The following CEP85L variants were observed in gnomAD, a reference collection of about 807,000 sequenced individuals.
The protein encoded by CEP85L is centrosomal protein 85L.
Under a neutral mutation model 100.3 loss-of-function variants are expected in CEP85L, and 60 were observed. That is an observed-to-expected ratio of 0.60 (90% CI 0.49 to 0.74). The LOEUF is 0.74. CEP85L is among the 30% of genes least tolerant of loss of function. The probability of loss-of-function intolerance (pLI) is 0.00; values close to 1 mark genes in which losing one functional copy is unlikely to be tolerated. For missense variants in CEP85L, 973 were observed against 936.2 expected (o/e 1.04, Z -0.51); for synonymous variants, 319 against 322.7 (o/e 0.99, Z 0.12).
chr6:118,625,284 A>T (rs1268086721), intron 2 of CEP85L, among the ~76,000 whole-genome samples: 1 of 152,190 alleles, frequency 6.6e-6, no homozygotes, highest in East Asian at 1.9e-4. Context: ...GGCACCCCAA[A>T]AGAGTTATGC....
chr6:118,663,565 G>C (rs750558287), intron 1 of CEP85L, among the ~76,000 whole-genome samples: 15 of 152,170 alleles, frequency 9.9e-5, no homozygotes, highest in Non-Finnish European at 1.8e-4. Context: ...GGAAGAAACA[G>C]CCTAAAGTAA....
At chr6:118,591,391 T>C (rs1023435992) in intron 2 of CEP85L, among the ~76,000 whole-genome samples, 2 of 151,982 alleles carry the variant, frequency 1.3e-5, no homozygotes, top group East Asian at 2.0e-4. Flanking sequence ...GTACCTCTGA[T>C]TGGTCCCCTC....
intron 1 of CEP85L, among the ~76,000 whole-genome samples, chr6:118,671,396 T>C (rs1386290211): frequency 1.3e-5 from 2 of 152,224 alleles, no homozygotes; most frequent in Non-Finnish European, 2.9e-5. Context: ...TATACATTTA[T>C]GTCAGCCACC....
intron 5 of CEP85L, among the ~76,000 whole-genome samples, chr6:118,510,559 C>T (rs1775908170): frequency 6.6e-6 from 1 of 151,936 alleles, no homozygotes; most frequent in Admixed American, 6.6e-5. Context: ...ACTAGAAGGG[C>T]AAAAATCCAA....
At chr6:118,608,982 G>A (rs1772430196) in intron 2 of CEP85L, among the ~76,000 whole-genome samples, 1 of 152,286 alleles carries the variant, frequency 6.6e-6, no homozygotes, top group Non-Finnish European at 1.5e-5. Flanking sequence ...TATCTTAATG[G>A]CTAAATCTCC....
rs781415290 is a variant in CEP85L at position 118,632,627 on chromosome 6, T to C, written c.74-16A>G. On this transcript the variant is annotated splice_polypyrimidine_tract_variant and intron_variant, in intron 1 of 12. Coordinates refer to ENST00000368491, the MANE Select transcript of CEP85L (RefSeq NM_001042475.3). ...TAATCTGGGCCTAAAAAGGGAAATA[T>C]GTAACAGTTAACACATATATCTGAG... is the stretch of plus-strand genomic sequence containing the variant. 5.0e-6 allele frequency: 8 copies of C among 1,602,224 alleles called. No individual in the cohort carries two copies. Among genetic ancestry groups the C allele is most frequent in the South Asian group, 1.1e-5 (1 of 88,306 alleles).
intron 10 of CEP85L, 61 bp downstream of exon 10, chr6:118,479,810 A>G: frequency 2.6e-6 from 2 of 774,782 alleles, no homozygotes; most frequent in Non-Finnish European, 2.0e-6. Context: ...TTCAGATTAA[A>G]TAAGCATTAA....
chr6:118,655,566 T>G (rs186487990), upstream of CEP85L, among the ~76,000 whole-genome samples: 1 of 152,332 alleles, frequency 6.6e-6, no homozygotes, highest in East Asian at 1.9e-4. Context: ...TTTCAGACAC[T>G]GGAACAGTAA....
At chr6:118,613,320 T>A (rs1235298211) in intron 2 of CEP85L, among the ~76,000 whole-genome samples, 2 of 152,202 alleles carry the variant, frequency 1.3e-5, no homozygotes, top group African/African-American at 4.8e-5. Flanking sequence ...TCTACACACA[T>A]AAACTTGATA....
chr6:118,587,536 C>T (rs763476970), intron 2 of CEP85L, among the ~76,000 whole-genome samples: 1 of 152,050 alleles, frequency 6.6e-6, no homozygotes, highest in African/African-American at 2.4e-5. Context: ...TTGGAAGTAC[C>T]GATGGGAGTG....
intron 3 of CEP85L, among the ~76,000 whole-genome samples, chr6:118,550,406 A>C (rs1026113579): frequency 1.3e-5 from 2 of 151,862 alleles, no homozygotes; most frequent in African/African-American, 4.8e-5. Context: ...AAAAACCTAA[A>C]GTCTAGTTAC....
At chr6:118,509,507 G>A (rs909763626) in intron 5 of CEP85L, among the ~76,000 whole-genome samples, 2 of 152,034 alleles carry the variant, frequency 1.3e-5, no homozygotes, top group African/African-American at 2.4e-5. Flanking sequence ...AAGTATAAAA[G>A]GCAAGTTGGA....
intron 2 of CEP85L, among the ~76,000 whole-genome samples, chr6:118,613,592 A>G (rs906940438): frequency 6.6e-6 from 1 of 151,800 alleles, no homozygotes; most frequent in African/African-American, 2.4e-5. Flanking sequence ...TCCTCTCTCT[A>G]CTAAAACTAC....
chr6:118,510,447 T>C (rs1775902642), intron 5 of CEP85L, among the ~76,000 whole-genome samples: 1 of 152,054 alleles, frequency 6.6e-6, no homozygotes, highest in Non-Finnish European at 1.5e-5. Flanking sequence ...GAATGGGCCC[T>C]TAAATTTATA....
intron 3 of CEP85L, among the ~76,000 whole-genome samples, chr6:118,546,842 T>C (rs997452432): frequency 4.6e-5 from 7 of 152,296 alleles, no homozygotes; most frequent in Middle Eastern, 3.4e-3. Flanking sequence ...TCAAACATTA[T>C]TCTGCAATTT....
chr6:118,618,581 T>C (rs566305813), intron 2 of CEP85L, among the ~76,000 whole-genome samples: 4 of 152,244 alleles, frequency 2.6e-5, no homozygotes, highest in South Asian at 2.1e-4. Flanking sequence ...CTTAGAGCAG[T>C]TGAATTGCTT....
chr6:118,552,569 T>C lies in CEP85L; in HGVS notation c.1020+12960A>G, dbSNP rs907237414. On this transcript the variant is annotated intron_variant, in intron 3 of 12. Transcript: ENST00000368491. ...CAAACATGTTGCCTAACATGGTATA[T>C]GACATTAGTCAAAAGATTAGAGTTG... is the stretch of plus-strand genomic sequence containing the variant. 1.4e-4 allele frequency among the ~76,000 whole-genome samples: 21 copies of C among 152,112 alleles called. 3 individuals are homozygous for C. Among genetic ancestry groups the C allele is most frequent in the Admixed American group, 7.2e-4 (11 of 15,288 alleles).
chr6:118,569,368 A>AAAAAAAAG (rs56914205), intron 2 of CEP85L, among the ~76,000 whole-genome samples: 1 of 140,772 alleles, frequency 7.1e-6, no homozygotes, highest in African/African-American at 2.6e-5. Context: ...AAAAAAAAAA[A>AAAAAAAAG]GGAGTAAAAT....
rs773825853 is a variant in CEP85L at position 118,491,601 on chromosome 6, A to G, written c.1437+85T>C. 21 of 1,519,516 alleles carry G rather than the reference A, an allele frequency of 1.4e-5. No homozygotes were observed. The South Asian group carries it at 2.6e-4, about 19-fold the overall frequency. The allele number at this position is 1,519,516 out of a possible 1,614,324, so 94.1% of individuals were successfully genotyped here. A position where few individuals can be genotyped will look rare whatever the true frequency, so the allele number is the denominator to read the frequency against. ...ATAAATGTATACATAACCTGGCATG[A>G]CACCTGACAGGGTAAATGACAGACA... On this transcript the variant is annotated intron_variant, in intron 6 of 12. Coordinates refer to ENST00000368491, the MANE Select transcript of CEP85L (RefSeq NM_001042475.3).
Sources: gnomAD v4.1 joint callset for allele counts (sites outside exome capture counted in the v4.1 genomes callset) on GRCh38, gnomAD v4.1.1 for gene constraint, MANE v1.5 for transcripts, NCBI Gene and HGNC (gene_info 2026-07-23, HGNC 2026-07-21) for gene names.